The following MTBP variants were observed in gnomAD, a reference collection of about 807,000 sequenced individuals.
MTBP encodes the protein mdm2-binding protein.
A neutral mutation model predicts 117.0 loss-of-function variants in MTBP; 101 were observed. The ratio of observed to expected loss-of-function variants is 0.86; its 90% confidence interval spans 0.73 to 1.02. MTBP has a LOEUF of 1.02. Ranked by LOEUF, MTBP falls within the 50% of genes least tolerant of loss-of-function variation. The pLI is 0.00. For synonymous variants in MTBP, 350 were observed against 351.5 expected, an observed-to-expected ratio of 1.00 and a Z score of 0.05; for missense variants, 970 against 1,030.9, an observed-to-expected ratio of 0.94 and a Z score of 0.81.
chr8:120,449,631 G>C (rs1220833260), intron 2 of MTBP, among the ~76,000 whole-genome samples: 1 of 152,098 alleles, frequency 6.6e-6, no homozygotes, highest in Non-Finnish European at 1.5e-5. Context: ...CGGATAGTAG[G>C]GAGAACAGAA....
chr8:120,509,071 C>T (rs1814748532), intron 16 of MTBP, among the ~76,000 whole-genome samples: 1 of 152,158 alleles, frequency 6.6e-6, no homozygotes, highest in African/African-American at 2.4e-5. Context: ...AAGAACTGAA[C>T]TCAGCAGTTA....
intron 13 of MTBP, among the ~76,000 whole-genome samples, chr8:120,492,779 G>C (rs151295372): frequency 0.019 from 2,899 of 151,938 alleles, 94 homozygotes; most frequent in African/African-American, 0.067. Context: ...TTTAAAATTA[G>C]TTTATTTTCA....
rs1813450242 is a variant in MTBP, at chr8:120,455,558, T to C, written c.608T>C (p.Ile203Thr). The C allele has an allele frequency of 1.2e-6, 2 of 1,609,056 alleles. No individual in the cohort carries two copies. Among genetic ancestry groups the C allele is most frequent in the African/African-American group, 1.3e-5 (1 of 74,882 alleles). ...GAATGGTATTCAGCAAAGATCACTA[T>C]AGCAGGAAATCATTGTGAAATGTAA... is the stretch of plus-strand genomic sequence containing the variant. ...LREWYSAKIT[I>T]AGNHCEINCQ... The change falls in exon 6 of 22, where the codon ATA becomes ACA. Residue 203 changes from isoleucine to threonine, a missense_variant. Transcript: ENST00000305949.
intron 11 of MTBP, chr8:120,472,684 C>A (rs1341073917): frequency 1.3e-5 from 2 of 152,142 alleles, no homozygotes; most frequent in East Asian, 3.9e-4. Flanking sequence ...TCAGGACAAA[C>A]ATATAGAACT....
At chr8:120,469,972 T>C (rs1474216388) in intron 10 of MTBP, among the ~76,000 whole-genome samples, 3 of 152,234 alleles carry the variant, frequency 2.0e-5, no homozygotes, top group African/African-American at 7.2e-5. Flanking sequence ...ATAGGACAGT[T>C]AAAAGTGGTT....
At chr8:120,468,607 C>A (rs1166299198) in intron 10 of MTBP, among the ~76,000 whole-genome samples, 1 of 152,160 alleles carries the variant, frequency 6.6e-6, no homozygotes, top group Non-Finnish European at 1.5e-5. Context: ...CCAGTTCATT[C>A]AACTTTTGAA....
chr8:120,520,848 T>G (rs1200428155), intron 20 of MTBP, among the ~76,000 whole-genome samples: 1 of 152,086 alleles, frequency 6.6e-6, no homozygotes, highest in Non-Finnish European at 1.5e-5. Context: ...CCTAGTATTC[T>G]ATACCCAGTC....
intron 9 of MTBP, among the ~76,000 whole-genome samples, chr8:120,462,141 TG>T (rs34430821): frequency 6.6e-6 from 1 of 152,138 alleles, no homozygotes; most frequent in African/African-American, 2.4e-5. Context: ...GTATCATGAT[TG>T]GGGTTAAATT....
intron 19 of MTBP, 113 bp downstream of exon 19, chr8:120,518,213 A>G (rs1814954358): frequency 8.2e-7 from 1 of 1,217,318 alleles, no homozygotes; most frequent in South Asian, 1.6e-5. Flanking sequence ...CGATGTCTAG[A>G]ATTTACTGGT....
At chr8:120,463,105 A>G (rs552236949) in intron 9 of MTBP, among the ~76,000 whole-genome samples, 1 of 152,262 alleles carries the variant, frequency 6.6e-6, no homozygotes, top group East Asian at 1.9e-4. Context: ...TATATGGTGT[A>G]GAGAGGAGGG....
chr8:120,486,618 C>G (rs528729462), intron 11 of MTBP, among the ~76,000 whole-genome samples: 1 of 152,282 alleles, frequency 6.6e-6, no homozygotes, highest in Admixed American at 6.5e-5. Flanking sequence ...TGCTGACAGC[C>G]TGCTCCTTCC....
chr8:120,463,784 T>C, intron 10 of MTBP, 23 bp downstream of exon 10: 2 of 1,600,192 alleles, frequency 1.2e-6, no homozygotes, highest in Non-Finnish European at 1.7e-6. Context: ...TCTTGGGGGT[T>C]TTTTGTTTGT....
chr8:120,501,243 TC>T (rs1276879222), intron 14 of MTBP, among the ~76,000 whole-genome samples: 3 of 147,030 alleles, frequency 2.0e-5, no homozygotes, highest in Non-Finnish European at 4.5e-5. Flanking sequence ...GCACCTGTAG[TC>T]CCAGCTACTC....
chr8:120,497,420 A>C lies in MTBP; in HGVS notation c.1475A>C (p.Glu492Ala). Residue 492 changes from glutamate (E) to alanine (A), a missense_variant, in exon 14 of 22, where the codon GAA becomes GCA. Coordinates refer to ENST00000305949, the MANE Select transcript of MTBP (RefSeq NM_022045.5). ...LKRRKLAKQP[E>A]TVSVAELKSL... is the part of the protein sequence containing the mutation. ...AGACGAAAGTTGGCAAAGCAGCCTG[A>C]AACAGTTTCTGTTGCTGAACTCAAA... The C allele has an allele frequency of 5.0e-6, 8 of 1,606,128 alleles. No homozygotes were observed. The highest frequency in any genetic ancestry group is 5.9e-6 in the Non-Finnish European group (7 of 1,177,656).
At chr8:120,508,173 C>A (rs1814729154) in intron 16 of MTBP, among the ~76,000 whole-genome samples, 1 of 152,090 alleles carries the variant, frequency 6.6e-6, no homozygotes, top group African/African-American at 2.4e-5. Context: ...AAATCAGGAA[C>A]CTATATGCTC....
intron 8 of MTBP, 98 bp downstream of exon 8, chr8:120,459,447 T>A: frequency 1.7e-6 from 2 of 1,197,768 alleles, no homozygotes; most frequent in Non-Finnish European, 2.3e-6. Flanking sequence ...TATATGTGCT[T>A]AAGTGTGCTC....
intron 7 of MTBP, among the ~76,000 whole-genome samples, chr8:120,458,286 G>T (rs567476934): frequency 6.6e-6 from 1 of 152,218 alleles, no homozygotes; most frequent in African/African-American, 2.4e-5. Flanking sequence ...GTAGCATGTT[G>T]TGCAACACTT....
At chr8:120,505,537 G>A (rs1040334766) in intron 15 of MTBP, among the ~76,000 whole-genome samples, 1 of 152,104 alleles carries the variant, frequency 6.6e-6, no homozygotes, top group African/African-American at 2.4e-5. Flanking sequence ...GGCACTGTCA[G>A]TATTTTATTG....
rs750228660 is a variant in MTBP, at chr8:120,506,860, G to A, written c.1882G>A (p.Gly628Arg). 8 of 1,595,876 alleles carry A rather than the reference G, an allele frequency of 5.0e-6. No individual in the cohort carries two copies. The highest frequency in any genetic ancestry group is 6.8e-6 in the Non-Finnish European group (8 of 1,174,580). ...TCTTCAACCTTTACCGATTCAAAAG[G>A]GGTAGGTTATAAACTTATAATTTCC... Reference protein sequence around the residue: ...GDLQPLPIQKGEKTFVLTPEL... With the variant: ...GDLQPLPIQKREKTFVLTPEL... Residue 628 changes from glycine (G) to arginine (R), a missense_variant and splice_region_variant, in exon 16 of 22, where the codon GGG (glycine) becomes AGG (arginine). By Grantham distance (125) the Gly-to-Arg change is moderately radical. Transcript: ENST00000305949.
Sources: allele counts gnomAD v4.1 joint callset (sites outside exome capture counted in the v4.1 genomes callset), GRCh38; gene constraint gnomAD v4.1.1; transcripts MANE v1.5; gene names NCBI Gene and HGNC (gene_info 2026-07-23, HGNC 2026-07-21).